Variants in SLC14A2 observed in about 807,000 individuals in gnomAD.
SLC14A2 encodes urea transporter 2.
Under a neutral mutation model 104.6 loss-of-function variants are expected in SLC14A2, and 91 were observed. The observed-to-expected ratio is 0.87, with a 90% confidence interval of 0.73 to 1.04. SLC14A2 has a LOEUF of 1.04. SLC14A2 is among the 50% of genes least tolerant of loss of function. SLC14A2 has a pLI of 0.00. For missense variants in SLC14A2, 1,189 were observed against 1,156.0 expected, an observed-to-expected ratio of 1.03 and a Z score of -0.41; for synonymous variants, 476 against 466.4, an observed-to-expected ratio of 1.02 and a Z score of -0.27.
At chr18:45,236,869 G>T (rs2084260087) in intron 1 of SLC14A2, among the ~76,000 whole-genome samples, 1 of 152,056 alleles carries the variant, frequency 6.6e-6, no homozygotes, top group South Asian at 2.1e-4. Context: ...GATCTTCTGT[G>T]ATAGCTTAGC....
intron 2 of SLC14A2, among the ~76,000 whole-genome samples, chr18:45,603,172 G>C (rs745890440): frequency 6.6e-6 from 1 of 152,094 alleles, no homozygotes; most frequent in African/African-American, 2.4e-5. Context: ...CCATCAGAAT[G>C]ACCACTGCTC....
intron 2 of SLC14A2, among the ~76,000 whole-genome samples, chr18:45,503,714 C>A (rs2043236339): frequency 6.6e-6 from 1 of 152,132 alleles, no homozygotes; most frequent in Non-Finnish European, 1.5e-5. Flanking sequence ...GAGACTGGTG[C>A]CCCTCTCTTC....
At chr18:45,570,632 C>A (rs921429966) in intron 2 of SLC14A2, among the ~76,000 whole-genome samples, 1 of 152,338 alleles carries the variant, frequency 6.6e-6, no homozygotes, top group South Asian at 2.1e-4. Flanking sequence ...TCCTAACAAA[C>A]CCCTTATCCT....
At chr18:45,556,617 G>A (rs1453937218) in intron 2 of SLC14A2, among the ~76,000 whole-genome samples, 3 of 152,194 alleles carry the variant, frequency 2.0e-5, no homozygotes, top group South Asian at 4.1e-4. Flanking sequence ...GATAATAGTA[G>A]TTAAATCATG....
chr18:45,212,194 G>A (rs1467786706), upstream of SLC14A2, among the ~76,000 whole-genome samples: 1 of 152,124 alleles, frequency 6.6e-6, no homozygotes, highest in East Asian at 1.9e-4. Context: ...TGCATAGAAG[G>A]TATTTTCATT....
intron 1 of SLC14A2, among the ~76,000 whole-genome samples, chr18:45,392,075 T>G (rs187807563): frequency 6.6e-4 from 100 of 152,352 alleles, no homozygotes; most frequent in African/African-American, 2.3e-3. Flanking sequence ...TAGAGAAGTT[T>G]AATAACTTGT....
chr18:45,468,269 T>C (rs1053919101), intron 1 of SLC14A2, among the ~76,000 whole-genome samples: 1 of 152,066 alleles, frequency 6.6e-6, no homozygotes, highest in Non-Finnish European at 1.5e-5. Flanking sequence ...GGAGCCATCA[T>C]TCATGGAAGA....
intron 1 of SLC14A2, among the ~76,000 whole-genome samples, chr18:45,442,503 C>T (rs1458462794): frequency 2.0e-5 from 3 of 152,170 alleles, no homozygotes; most frequent in Non-Finnish European, 4.4e-5. Flanking sequence ...AGTATTCTCC[C>T]TTTGTGTATG....
At chr18:45,235,427 A>G (rs2084215108) in intron 1 of SLC14A2, among the ~76,000 whole-genome samples, 1 of 152,156 alleles carries the variant, frequency 6.6e-6, no homozygotes, top group South Asian at 2.1e-4. Context: ...TGGAAAAATT[A>G]AAAATCTTCT....
intron 2 of SLC14A2, among the ~76,000 whole-genome samples, chr18:45,541,109 C>G (rs191868633): frequency 2.0e-5 from 3 of 152,266 alleles, no homozygotes; most frequent in African/African-American, 4.8e-5. Context: ...GTCTAGGGAT[C>G]TAAGCCATTC....
chr18:45,620,752 A>G (rs1253184228), intron 1 of SLC14A2, among the ~76,000 whole-genome samples: 1 of 152,126 alleles, frequency 6.6e-6, no homozygotes, highest in East Asian at 1.9e-4. Context: ...CAGCCCCACC[A>G]CTTAAAAGAA....
chr18:45,364,705 G>A (rs1455221591), intron 1 of SLC14A2, among the ~76,000 whole-genome samples: 1 of 152,168 alleles, frequency 6.6e-6, no homozygotes, highest in Non-Finnish European at 1.5e-5. Flanking sequence ...AGGGATTGGG[G>A]AATGCACGTT....
At chr18:45,206,213 A>G in the SLC14A2 span, among the ~76,000 whole-genome samples, 4 of 152,328 alleles carry the variant, frequency 2.6e-5, no homozygotes, top group South Asian at 4.1e-4. Context: ...TGTTCCATGT[A>G]GCCCCTGTAG....
intron 2 of SLC14A2, among the ~76,000 whole-genome samples, chr18:45,586,074 TATATAATACAC>T (rs1198709946): frequency 7.2e-5 from 11 of 152,244 alleles, no homozygotes; most frequent in Non-Finnish European, 1.0e-4. Context: ...TGTTAATACA[TATATAATACAC>T]CATCAGCTAG....
At chr18:45,225,094 A>G (rs1188424286) in intron 1 of SLC14A2, among the ~76,000 whole-genome samples, 2 of 152,100 alleles carry the variant, frequency 1.3e-5, no homozygotes, top group East Asian at 3.9e-4. Flanking sequence ...GCTATTGCCT[A>G]GGTTTTCTTC....
intron 1 of SLC14A2, among the ~76,000 whole-genome samples, chr18:45,420,722 G>T (rs1333486250): frequency 6.6e-6 from 1 of 151,768 alleles, no homozygotes; most frequent in Non-Finnish European, 1.5e-5. Flanking sequence ...TTTGGTACAG[G>T]TGGAATTATT....
intron 1 of SLC14A2, among the ~76,000 whole-genome samples, chr18:45,458,987 A>C (rs1283255969): frequency 1.3e-5 from 2 of 152,230 alleles, no homozygotes; most frequent in Non-Finnish European, 2.9e-5. Flanking sequence ...GCTCTCTAGA[A>C]AGCCAGGGGA....
intron 1 of SLC14A2, among the ~76,000 whole-genome samples, chr18:45,310,266 A>C (rs2085065255): frequency 6.6e-6 from 1 of 152,146 alleles, no homozygotes; most frequent in African/African-American, 2.4e-5. Context: ...ATTTTATCGG[A>C]TATTACCATA....
At chr18:45,670,109 T>C (rs2046104531) in intron 16 of SLC14A2, among the ~76,000 whole-genome samples, 1 of 152,124 alleles carries the variant, frequency 6.6e-6, no homozygotes, top group Admixed American at 6.5e-5. Flanking sequence ...TGAGACTCTA[T>C]CTCCAAAACA....
Sources: allele counts gnomAD v4.1 joint callset (sites outside exome capture counted in the v4.1 genomes callset), GRCh38; gene constraint gnomAD v4.1.1; transcripts MANE v1.5; gene names NCBI Gene and HGNC (gene_info 2026-07-23, HGNC 2026-07-21).